EREG: variants seen among roughly 807,000 people sequenced by gnomAD.
EREG encodes proepiregulin.
EREG carries 23 observed loss-of-function variants against 22.4 expected under a neutral mutation model. The observed-to-expected ratio is 1.03, with a 90% confidence interval of 0.74 to 1.46. EREG has a LOEUF of 1.46. Ranked by LOEUF, EREG falls within the 40% of genes most tolerant of loss-of-function variation. The probability of loss-of-function intolerance (pLI) is 0.00; values close to 1 mark genes in which losing one functional copy is unlikely to be tolerated. For synonymous variants in EREG, 100 were observed against 75.4 expected (o/e 1.33, Z -1.69); for missense variants, 226 against 205.9 (o/e 1.10, Z -0.60).
chr4:74,386,181 C>A lies in EREG; in HGVS notation c.*1373C>A, dbSNP rs1471130822. ...CCACTTTTGGATTTTATGGGAGGCT[C>A]CTTCATCGAATGCTAAACCTTTGAG... is the stretch of plus-strand genomic sequence containing the variant. On this transcript the variant is annotated 3_prime_UTR_variant, in exon 5 of 5. Transcript: ENST00000244869. 1 of 200,926 alleles carries A rather than the reference C, an allele frequency of 5.0e-6. No homozygotes were observed. The highest frequency in any genetic ancestry group is 9.9e-6 in the Non-Finnish European group (1 of 100,622). The allele number at this position is 200,926 out of a possible 1,614,324, so 12.4% of individuals were successfully genotyped here.
At chr4:74,379,957 G>C (rs921903539) in intron 2 of EREG, among the ~76,000 whole-genome samples, 4 of 152,042 alleles carry the variant, frequency 2.6e-5, no homozygotes, top group African/African-American at 9.7e-5. Flanking sequence ...AATGATAGTC[G>C]TTTCTTTCTA....
chr4:74,377,158 G>GAA lies in EREG; in HGVS notation c.68-2274_68-2273dup, dbSNP rs57339854. 4.9e-3 allele frequency among the ~76,000 whole-genome samples: 382 copies of GAA among 78,056 alleles called. 2 individuals carry two copies. The highest frequency in any genetic ancestry group is 0.011 in the African/African-American group (301 of 26,634). The allele number at this position is 78,056 out of a possible 152,430, so 51.2% of individuals were successfully genotyped here. A position where few individuals can be genotyped will look rare whatever the true frequency, so the allele number is the denominator to read the frequency against. On this transcript the variant is annotated intron_variant, in intron 1 of 4. Coordinates refer to ENST00000244869, the MANE Select transcript of EREG (RefSeq NM_001432.3). ...TTTATGGGCTGTGACAGCCATTTCA[G>GAA]AAAAAAAAAAAAAAAAACATTAGTT...
At chr4:74,383,599 TA>T (rs1752517738) in intron 4 of EREG, among the ~76,000 whole-genome samples, 1 of 152,176 alleles carries the variant, frequency 6.6e-6, no homozygotes, top group Admixed American at 6.5e-5. Context: ...GTGAATTAAT[TA>T]ATAACAGTTC....
Position 74,381,000 on chromosome 4 carries a change from C to T in EREG, c.155-14C>T. 1.2e-6 allele frequency: 2 copies of T among 1,608,214 alleles called. No individual in the cohort carries two copies. Among genetic ancestry groups the T allele is most frequent in the Admixed American group, 3.4e-5 (2 of 58,992 alleles). On this transcript the variant is annotated splice_polypyrimidine_tract_variant and intron_variant, in intron 2 of 4. Transcript: ENST00000244869. ...AGGCTGCAGAATATATTCAACTTTCCACTTCTTTTACAGTTCAGACAGAAG... is the reference window on the plus strand; with the variant it reads ...AGGCTGCAGAATATATTCAACTTTCTACTTCTTTTACAGTTCAGACAGAAG...
chr4:74,365,344 C>T lies in EREG; in HGVS notation c.36C>T (p.Ala12=). 6.2e-7 allele frequency: 1 copy of T among 1,609,764 alleles called. No homozygotes were observed. The highest frequency in any genetic ancestry group is 8.5e-7 in the Non-Finnish European group (1 of 1,179,968). ...TAGRRMEMLC[A]GRVPALLLCL... ...GGAGGAGGATGGAGATGCTCTGTGC[C>T]GGCAGGGTCCCTGCGCTGCTGCTCT... is the stretch of plus-strand genomic sequence containing the variant. Residue 12 remains alanine, a synonymous_variant, in exon 1 of 5, where the codon GCC becomes GCT. Transcript: ENST00000244869.
chr4:74,384,967 A>G lies in EREG; in HGVS notation c.*159A>G, dbSNP rs965310391. The G allele has an allele frequency of 7.8e-6, 4 of 515,224 alleles. No homozygotes were observed. The highest frequency in any genetic ancestry group is 1.1e-5 in the Non-Finnish European group (3 of 283,884). 31.9% of individuals were successfully genotyped at this position (515,224 alleles called of 1,614,324 possible). On this transcript the variant is annotated 3_prime_UTR_variant, in exon 5 of 5. Coordinates refer to ENST00000244869, the MANE Select transcript of EREG (RefSeq NM_001432.3). ...TTTTTATTTTTGTTTTATTTTTGAC[A>G]GACTATTTGCTAATGTATAATGTGC...
chr4:74,365,336 C>T lies in EREG; in HGVS notation c.28C>T (p.Leu10Phe), dbSNP rs1226571086. 3 of 1,608,812 alleles carry T rather than the reference C, an allele frequency of 1.9e-6. No homozygotes were observed. The highest frequency in any genetic ancestry group is 2.7e-5 in the African/African-American group (2 of 74,940). Reference sequence around the variant, plus strand: ...GACCGCGGGGAGGAGGATGGAGATGCTCTGTGCCGGCAGGGTCCCTGCGCT... The same window carrying T: ...GACCGCGGGGAGGAGGATGGAGATGTTCTGTGCCGGCAGGGTCCCTGCGCT... Reference protein sequence around the residue: MTAGRRMEMLCAGRVPALLL... With the variant: MTAGRRMEMFCAGRVPALLL... Residue 10 changes from leucine to phenylalanine, a missense_variant, in exon 1 of 5, where the codon CTC (leucine) becomes TTC (phenylalanine). Transcript: ENST00000244869.
intron 1 of EREG, among the ~76,000 whole-genome samples, 200 bp downstream of exon 1, chr4:74,365,575 C>T (rs970404829): frequency 6.7e-6 from 1 of 150,232 alleles, no homozygotes; most frequent in African/African-American, 2.5e-5. Flanking sequence ...TGTTAAAATG[C>T]TTTTTATTGG....
intron 4 of EREG, among the ~76,000 whole-genome samples, chr4:74,383,906 G>A (rs531797498): frequency 6.6e-6 from 1 of 152,228 alleles, no homozygotes; most frequent in East Asian, 1.9e-4. Flanking sequence ...GGTTTAGAGA[G>A]GTTCATTCAA....
Position 74,382,807 on chromosome 4 carries a change from G to A in EREG, c.428+13G>A, listed in dbSNP as rs1242368892. On this transcript the variant is annotated intron_variant, in intron 4 of 4. Transcript: ENST00000244869. ...ATTTCTGCAGATGGTAAGTCAGTGT[G>A]GTTTTATACTCTGCTTTTACAAATT... is the stretch of plus-strand genomic sequence containing the variant. The A allele has an allele frequency of 3.0e-5, 48 of 1,599,210 alleles. No homozygotes were observed. Among genetic ancestry groups the A allele is most frequent in the Non-Finnish European group, 3.8e-5 (45 of 1,172,538 alleles).
At chr4:74,370,432 A>G (rs1752270215) in intron 1 of EREG, among the ~76,000 whole-genome samples, 1 of 152,224 alleles carries the variant, frequency 6.6e-6, no homozygotes, top group African/African-American at 2.4e-5. Context: ...TTAAAAATGT[A>G]TTTAAAAATA....
chr4:74,386,136 A>G lies in EREG; in HGVS notation c.*1328A>G. On this transcript the variant is annotated 3_prime_UTR_variant, in exon 5 of 5. Transcript: ENST00000244869. ...AATAGGAGTATTTTTGGGCTATTGC[A>G]TAAGGAGCCACTGCTGCCACCACTT... The G allele has an allele frequency of 3.8e-6, 1 of 262,366 alleles. No homozygotes were observed. Among genetic ancestry groups the G allele is most frequent in the Non-Finnish European group, 7.1e-6 (1 of 140,442 alleles). 16.3% of individuals were successfully genotyped at this position (262,366 alleles called of 1,614,324 possible).
chr4:74,377,026 T>C (rs1752392523), intron 1 of EREG, among the ~76,000 whole-genome samples: 1 of 152,120 alleles, frequency 6.6e-6, no homozygotes, highest in South Asian at 2.1e-4. Context: ...AAATCTTTCT[T>C]TACAGTACCA....
At chr4:74,382,922 A>G in intron 4 of EREG, 128 bp downstream of exon 4, 1 of 680,018 alleles carries the variant, frequency 1.5e-6, no homozygotes, top group Non-Finnish European at 2.4e-6. Flanking sequence ...TGATATTTAC[A>G]AGAGTTGAGA....
chr4:74,379,414 A>G, intron 1 of EREG, 34 bp from the exon 2 acceptor site: 1 of 1,245,996 alleles, frequency 8.0e-7, no homozygotes, highest in Non-Finnish European at 1.2e-6. Flanking sequence ...TCCTTAACAC[A>G]TTAGTTATAT....
At chr4:74,370,945 T>C (rs1752278984) in intron 1 of EREG, among the ~76,000 whole-genome samples, 1 of 152,186 alleles carries the variant, frequency 6.6e-6, no homozygotes, top group African/African-American at 2.4e-5. Context: ...CTTGTCTCAG[T>C]TGACATTAGG....
chr4:74,380,368 A>T (rs1210306241), intron 2 of EREG, among the ~76,000 whole-genome samples: 2 of 152,112 alleles, frequency 1.3e-5, no homozygotes, highest in African/African-American at 4.8e-5. Flanking sequence ...TTTGGTATCT[A>T]AAGCTTTCTA....
intron 1 of EREG, among the ~76,000 whole-genome samples, chr4:74,374,860 G>T (rs1752351992): frequency 6.6e-6 from 1 of 152,148 alleles, no homozygotes; most frequent in South Asian, 2.1e-4. Context: ...AAGGCAGAGA[G>T]ATATATAGGT....
intron 4 of EREG, among the ~76,000 whole-genome samples, chr4:74,383,536 G>A (rs562816557): frequency 1.6e-4 from 25 of 152,240 alleles, no homozygotes; most frequent in African/African-American, 5.8e-4. Flanking sequence ...AGTGAACATT[G>A]AAAGTATAGT....
Sources: gnomAD v4.1 joint callset for allele counts (sites outside exome capture counted in the v4.1 genomes callset) on GRCh38, gnomAD v4.1.1 for gene constraint, MANE v1.5 for transcripts, NCBI Gene and HGNC (gene_info 2026-07-23, HGNC 2026-07-21) for gene names.